Variants in PDCD2L observed in about 807,000 individuals in gnomAD.
PDCD2L encodes uS5 assembly chaperone PDCD2L.
Under a neutral mutation model 40.4 loss-of-function variants are expected in PDCD2L, and 44 were observed. The ratio of observed to expected loss-of-function variants is 1.09; its 90% CI spans 0.86 to 1.40. The LOEUF is 1.40. PDCD2L is among the 40% of genes most tolerant of loss of function. The pLI is 0.00. For missense variants in PDCD2L, 470 were observed against 453.7 expected (o/e 1.04, Z -0.33); for synonymous variants, 194 against 174.6 (o/e 1.11, Z -0.88).
chr19:34,422,221 C>T (rs1044569131), intron 6 of PDCD2L: 1 of 149,508 alleles, frequency 6.7e-6, no homozygotes, highest in Non-Finnish European at 1.5e-5. Context: ...GTTCTTGGCT[C>T]ACTGCAACCT....
At chr19:34,413,513 T>A (rs981432255) in intron 4 of PDCD2L, among the ~76,000 whole-genome samples, 11 of 151,496 alleles carry the variant, frequency 7.3e-5, no homozygotes, top group Non-Finnish European at 7.4e-5. Flanking sequence ...ATTTTTTGCA[T>A]TTTTTAGTAG....
intron 4 of PDCD2L, among the ~76,000 whole-genome samples, chr19:34,410,762 T>TTATATTCATTTA (rs146147218): frequency 6.8e-6 from 1 of 146,248 alleles, no homozygotes; most frequent in South Asian, 2.1e-4. Flanking sequence ...ACTTTTTATT[T>TTATATTCATTTA]TTTATTTATT....
chr19:34,425,331 C>T (rs1175465882), intron 6 of PDCD2L, among the ~76,000 whole-genome samples: 5 of 146,172 alleles, frequency 3.4e-5, no homozygotes, highest in East Asian at 2.0e-4. Context: ...GACAGGGTCT[C>T]GCTCTATCAC....
Position 34,426,048 on chromosome 19 carries a change from C to T in PDCD2L, c.1005C>T (p.Pro335=), listed in dbSNP as rs1388639274. 2.5e-6 allele frequency: 4 copies of T among 1,611,700 alleles called. No individual in the cohort carries two copies. In the East Asian group the frequency reaches 8.9e-5, roughly 36 times the overall value. The part of the protein sequence containing the change: ...LVYTCEKSCW[P]PNHQTPMEEF... ...ACACATGTGAGAAGAGTTGCTGGCC[C>T]CCAAATCATCAGACTCCCATGGAAG... is the stretch of plus-strand genomic sequence containing the variant. The change falls in exon 7 of 7, where the codon CCC becomes CCT. Residue 335 remains proline (P), a synonymous_variant. Transcript: ENST00000246535.
At chr19:34,415,351 T>C (rs1206452831) in intron 5 of PDCD2L, among the ~76,000 whole-genome samples, 1 of 152,056 alleles carries the variant, frequency 6.6e-6, no homozygotes, top group Non-Finnish European at 1.5e-5. Flanking sequence ...TGACTTCAAA[T>C]GATCTGCCCG....
rs760702654 is a variant in PDCD2L at position 34,404,538 on chromosome 19, G to A, written c.108G>A (p.Pro36=). 3.9e-6 allele frequency: 6 copies of A among 1,546,914 alleles called. No homozygotes were observed. In the African/African-American group the frequency reaches 5.5e-5, roughly 14 times the overall value. ...AWTASKLGGI[P]DALPTVAAPR... is the part of the protein sequence containing the mutation. ...CTGCTAGCAAGCTGGGCGGCATTCC[G>A]GTGAGGGCGGGTGCCGGAGCTGGGG... The change falls in exon 1 of 7, where the codon CCG becomes CCA. Residue 36 remains proline, a splice_region_variant and synonymous_variant. Transcript: ENST00000246535.
chr19:34,414,212 G>A (rs1252995179), intron 5 of PDCD2L, among the ~76,000 whole-genome samples: 1 of 151,432 alleles, frequency 6.6e-6, no homozygotes, highest in African/African-American at 2.4e-5. Context: ...GTCGCGCTCT[G>A]TCGCCCAGGC....
chr19:34,404,743 G>C lies in PDCD2L; in HGVS notation c.203G>C (p.Gly68Ala). The change falls in exon 2 of 7, where the codon GGC becomes GCC. Residue 68 changes from glycine to alanine, a missense_variant. Coordinates refer to ENST00000246535, the MANE Select transcript of PDCD2L (RefSeq NM_032346.2). ...LVVQVYCPLE[G>A]SPFHRLLHVF... Reference sequence around the variant, plus strand: ...GTGCAGGTGTATTGCCCGCTGGAAGGCTCCCCGTTTCACCGTCTGCTGCAC... The same window carrying C: ...GTGCAGGTGTATTGCCCGCTGGAAGCCTCCCCGTTTCACCGTCTGCTGCAC... The C allele has an allele frequency of 6.2e-7, 1 of 1,611,980 alleles. No individual in the cohort carries two copies.
intron 6 of PDCD2L, 99 bp from the exon 7 acceptor site, chr19:34,425,891 C>T: frequency 8.0e-7 from 1 of 1,254,298 alleles, no homozygotes; most frequent in Admixed American, 2.3e-5. Flanking sequence ...TTTGCTTTAC[C>T]TAATTACTTT....
At position 34,419,773 on chromosome 19, in the gene PDCD2L, C is replaced by CTTTTTTTTTTTTTTTTTTTTTTTTTTT. The variant is rs754032924; in HGVS notation, c.798-1725_798-1724insTTTTTTTTTTTTTTTTTTTTTTTTTTT. On this transcript the variant is annotated intron_variant, in intron 5 of 6. Coordinates refer to ENST00000246535, the MANE Select transcript of PDCD2L (RefSeq NM_032346.2). The stretch of plus-strand genomic sequence containing the variant: ...CTTTTATTTTTAACTCTTTATGTTG[C>CTTTTTTTTTTTTTTTTTTTTTTTTTTT]TTTTTTTTTTTTTTTTTTTTTAAGA... Among the ~76,000 whole-genome samples, 2 of 36,638 alleles carry CTTTTTTTTTTTTTTTTTTTTTTTTTTT rather than the reference C, an allele frequency of 5.5e-5. 1 individual carries two copies. The highest frequency in any genetic ancestry group is 9.4e-5 in the Non-Finnish European group (2 of 21,276). 24.0% of individuals were successfully genotyped at this position (36,638 alleles called of 152,430 possible).
In PDCD2L at chr19:34,426,055, C is replaced by T. The variant is rs779088801; in HGVS notation, c.1012C>T (p.His338Tyr). The T allele has an allele frequency of 4.3e-6, 7 of 1,609,692 alleles. No individual in the cohort carries two copies. In the Admixed American group the frequency reaches 1.2e-4, roughly 27 times the overall value. ...TGAGAAGAGTTGCTGGCCCCCAAAT[C>T]ATCAGACTCCCATGGAAGAATTTTG... ...TCEKSCWPPN[H>Y]QTPMEEFCII... The change falls in exon 7 of 7, where the codon CAT becomes TAT. Residue 338 changes from histidine to tyrosine, a missense_variant. Transcript: ENST00000246535.
At chr19:34,413,887 T>A in intron 5 of PDCD2L, 40 bp downstream of exon 5, 2 of 1,209,660 alleles carry the variant, frequency 1.7e-6, no homozygotes, top group Non-Finnish European at 2.4e-6. Context: ...TTTCCTTGAT[T>A]ATAAAGGAAT....
chr19:34,416,579 A>G (rs1364545239), intron 5 of PDCD2L, among the ~76,000 whole-genome samples: 1 of 152,214 alleles, frequency 6.6e-6, no homozygotes, highest in Admixed American at 6.6e-5. Context: ...TACCACCTAC[A>G]GAAATGTAGA....
intron 6 of PDCD2L, chr19:34,422,137 T>TTTA (rs972778769): frequency 1.3e-5 from 2 of 151,256 alleles, no homozygotes; most frequent in African/African-American, 4.8e-5. Context: ...TTTTTTTTTT[T>TTTA]TTAATATTTA....
chr19:34,414,866 C>T (rs1051156269), intron 5 of PDCD2L, among the ~76,000 whole-genome samples: 3 of 151,896 alleles, frequency 2.0e-5, no homozygotes, highest in Admixed American at 6.6e-5. Context: ...AGTGCAGTGG[C>T]GTGATCATTG....
chr19:34,417,482 C>G (rs1352662945), intron 5 of PDCD2L, among the ~76,000 whole-genome samples: 2 of 151,962 alleles, frequency 1.3e-5, no homozygotes, highest in African/African-American at 4.8e-5. Context: ...GTGGCGGGTG[C>G]CTGTAGTCCC....
At chr19:34,425,857 T>C (rs1311807545) in intron 6 of PDCD2L, 133 bp from the exon 7 acceptor site, 17 of 803,996 alleles carry the variant, frequency 2.1e-5, no homozygotes, top group South Asian at 4.4e-5. Flanking sequence ...GATTCTGTTA[T>C]AGCTGAAAGC....
intron 5 of PDCD2L, among the ~76,000 whole-genome samples, chr19:34,419,120 T>A (rs1358728776): frequency 6.6e-6 from 1 of 152,198 alleles, no homozygotes; most frequent in African/African-American, 2.4e-5. Context: ...TGCAGTCCCT[T>A]TAATGTAATC....
intron 5 of PDCD2L, among the ~76,000 whole-genome samples, chr19:34,416,159 G>C (rs2075125591): frequency 6.6e-6 from 1 of 152,160 alleles, no homozygotes; most frequent in South Asian, 2.1e-4. Context: ...GACTTCTGGT[G>C]ATCCACCCAC....
Sources: allele counts gnomAD v4.1 joint callset (sites outside exome capture counted in the v4.1 genomes callset), GRCh38; gene constraint gnomAD v4.1.1; transcripts MANE v1.5; gene names NCBI Gene and HGNC (gene_info 2026-07-23, HGNC 2026-07-21).